STXBP3: variants seen among roughly 807,000 people sequenced by gnomAD.
STXBP3 encodes the protein syntaxin binding protein 3, also known as syntaxin-binding protein 3.
A neutral mutation model predicts 85.7 loss-of-function variants in STXBP3; 41 were observed. That is an observed-to-expected ratio of 0.48 (90% CI 0.37 to 0.62). STXBP3 has a LOEUF of 0.62. Among genes scored for constraint, STXBP3 ranks in the 20% least tolerant of loss-of-function variants. STXBP3 has a pLI of 0.00. For synonymous variants in STXBP3, 229 were observed against 231.7 expected (o/e 0.99, Z 0.10); for missense variants, 563 against 703.1 (o/e 0.80, Z 2.25).
intron 1 of STXBP3, among the ~76,000 whole-genome samples, chr1:108,751,840 A>G (rs1278833279): frequency 6.6e-6 from 1 of 152,158 alleles, no homozygotes; most frequent in Non-Finnish European, 1.5e-5. Flanking sequence ...AATGTAGTAA[A>G]TCAGTATGAA....
intron 11 of STXBP3, among the ~76,000 whole-genome samples, chr1:108,786,508 C>T (rs1321446454): frequency 6.6e-6 from 1 of 152,214 alleles, no homozygotes; most frequent in East Asian, 1.9e-4. Context: ...TTTCGATATA[C>T]ATATCTGATT....
chr1:108,790,058 TGAAAG>T (rs568615211), intron 11 of STXBP3, among the ~76,000 whole-genome samples: 89 of 152,234 alleles, frequency 5.8e-4, no homozygotes, highest in African/African-American at 1.9e-3. Flanking sequence ...TATGTGTACT[TGAAAG>T]GAATATAAAT....
At chr1:108,802,414 AATTT>A (rs1328109558) in intron 17 of STXBP3, among the ~76,000 whole-genome samples, 2 of 150,234 alleles carry the variant, frequency 1.3e-5, no homozygotes, top group African/African-American at 2.5e-5. Flanking sequence ...TTAATTAATT[AATTT>A]ATTTATTTGT....
intron 6 of STXBP3, among the ~76,000 whole-genome samples, chr1:108,763,678 C>G (rs1407321912): frequency 6.6e-6 from 1 of 151,984 alleles, no homozygotes; most frequent in Non-Finnish European, 1.5e-5. Flanking sequence ...CGAGTTCAAG[C>G]GATTCTCCTG....
At position 108,784,344 on chromosome 1, in the gene STXBP3, G is replaced by A. The variant is rs796742296; in HGVS notation, c.963+1638G>A. Among the ~76,000 whole-genome samples, 20 of 152,270 alleles carry A rather than the reference G, an allele frequency of 1.3e-4. 1 individual carries two copies. The highest frequency in any genetic ancestry group is 3.9e-4 in the Admixed American group (6 of 15,306). ...TTCCACATGGCTGGGGAGGCCTCAG[G>A]AAACTTAACAATCATGGCAGAAGCC... On this transcript the variant is annotated intron_variant, in intron 11 of 18. Coordinates refer to ENST00000370008, the MANE Select transcript of STXBP3 (RefSeq NM_007269.4).
rs887732534 is a variant in STXBP3, at chr1:108,809,346, G to A, written c.*469G>A. On this transcript the variant is annotated 3_prime_UTR_variant, in exon 19 of 19. Transcript: ENST00000370008. ...TAGTTTTTCTTTCAACTAAAATTCA[G>A]TTTATGTGTAAAATAATTCAGTCAT... 6.5e-6 allele frequency: 1 copy of A among 153,186 alleles called. No homozygotes were observed. Among genetic ancestry groups the A allele is most frequent in the African/African-American group, 2.4e-5 (1 of 41,434 alleles). The allele number at this position is 153,186 out of a possible 1,614,324, so 9.5% of individuals were successfully genotyped here. A position where few individuals can be genotyped will look rare whatever the true frequency, so the allele number is the denominator to read the frequency against.
intron 11 of STXBP3, among the ~76,000 whole-genome samples, chr1:108,791,480 A>G (rs1463176283): frequency 6.6e-6 from 1 of 151,304 alleles, no homozygotes; most frequent in Non-Finnish European, 1.5e-5. Context: ...ACCCCAGTCA[A>G]CATGTTTTTT....
chr1:108,793,156 C>CCTTTTTTTTTTTT (rs1663011929), intron 11 of STXBP3, among the ~76,000 whole-genome samples: 1 of 69,332 alleles, frequency 1.4e-5, no homozygotes, highest in Non-Finnish European at 2.7e-5. Context: ...CTCTTATCTC[C>CCTTTTTTTTTTTT]ATTTTTTTTT....
intron 17 of STXBP3, among the ~76,000 whole-genome samples, chr1:108,805,696 T>A (rs1557817274): frequency 6.6e-6 from 1 of 152,364 alleles, no homozygotes. Flanking sequence ...GTGCTGGGAT[T>A]ACAGACGTGA....
intron 6 of STXBP3, among the ~76,000 whole-genome samples, chr1:108,766,276 G>T (rs140997228): frequency 6.6e-6 from 1 of 151,528 alleles, no homozygotes; most frequent in African/African-American, 2.4e-5. Flanking sequence ...ATATAAAAAT[G>T]TATATATCTA....
At chr1:108,752,096 G>A (rs1661917158) in intron 1 of STXBP3, among the ~76,000 whole-genome samples, 161 bp from the exon 2 acceptor site, 1 of 152,008 alleles carries the variant, frequency 6.6e-6, no homozygotes, top group African/African-American at 2.4e-5. Context: ...TATAGGCTAG[G>A]TATTAGAATT....
Position 108,776,396 on chromosome 1 carries a change from C to T in STXBP3, c.657C>T (p.Tyr219=). ...TTGAAAAAAAGCTTGAAGACTACTA[C>T]AAGATTGATGAAAAGAGCCTAATAA... ...QLVEKKLEDY[Y]KIDEKSLIKG... is the part of the protein sequence containing the mutation. Residue 219 remains tyrosine (Y), a synonymous_variant, in exon 8 of 19, where the codon TAC becomes TAT. Transcript: ENST00000370008. 6.2e-7 allele frequency: 1 copy of T among 1,606,820 alleles called. No homozygotes were observed. The highest frequency in any genetic ancestry group is 8.5e-7 in the Non-Finnish European group (1 of 1,176,050).
chr1:108,760,939 T>A (rs1175801767), intron 6 of STXBP3, among the ~76,000 whole-genome samples: 1 of 152,202 alleles, frequency 6.6e-6, no homozygotes, highest in Non-Finnish European at 1.5e-5. Flanking sequence ...GTTTCGCTTT[T>A]GTCACCCAGG....
intron 13 of STXBP3, among the ~76,000 whole-genome samples, chr1:108,795,966 A>G (rs1663082282): frequency 6.6e-6 from 1 of 152,172 alleles, no homozygotes; most frequent in Non-Finnish European, 1.5e-5. Context: ...ACCGGGTTCA[A>G]GTGAGTCTCC....
chr1:108,791,871 T>C (rs1662982003), intron 11 of STXBP3, among the ~76,000 whole-genome samples: 1 of 152,200 alleles, frequency 6.6e-6, no homozygotes, highest in Non-Finnish European at 1.5e-5. Flanking sequence ...GTTTTGCCTT[T>C]TCCAGAATGT....
intron 1 of STXBP3, among the ~76,000 whole-genome samples, chr1:108,748,724 C>T (rs531944349): frequency 2.3e-3 from 343 of 151,270 alleles, no homozygotes; most frequent in Middle Eastern, 7.0e-3. Flanking sequence ...CCCAGCTACT[C>T]GGGAGGCTGA....
In STXBP3 at chr1:108,746,685, C is replaced by G. The variant is rs561017870; in HGVS notation, c.-53C>G. ...GCCACCCCAACGCCGCTTCTGCGGCCAAAGTAGGTTGGGAGTGGAAGGTGG... is the reference window on the plus strand; with the variant it reads ...GCCACCCCAACGCCGCTTCTGCGGCGAAAGTAGGTTGGGAGTGGAAGGTGG... On this transcript the variant is annotated 5_prime_UTR_variant, in exon 1 of 19. Coordinates refer to ENST00000370008, the MANE Select transcript of STXBP3 (RefSeq NM_007269.4). 11 of 1,546,722 alleles carry G rather than the reference C, an allele frequency of 7.1e-6. No homozygotes were observed. In the East Asian group the frequency reaches 2.2e-4, roughly 31 times the overall value.
intron 16 of STXBP3, among the ~76,000 whole-genome samples, chr1:108,799,281 A>AT (rs1663180441): frequency 6.6e-6 from 1 of 152,006 alleles, no homozygotes; most frequent in African/African-American, 2.4e-5. Flanking sequence ...TAACATAAGA[A>AT]TTTTTTTTCC....
At chr1:108,807,733 C>T (rs1014389907) in intron 18 of STXBP3, among the ~76,000 whole-genome samples, 184 bp downstream of exon 18, 4 of 152,082 alleles carry the variant, frequency 2.6e-5, no homozygotes, top group Admixed American at 6.6e-5. Flanking sequence ...TCTGCCACCA[C>T]GCCTGGCTAA....
Sources: allele counts gnomAD v4.1 joint callset (sites outside exome capture counted in the v4.1 genomes callset), GRCh38; gene constraint gnomAD v4.1.1; transcripts MANE v1.5; gene names NCBI Gene and HGNC (gene_info 2026-07-23, HGNC 2026-07-21).